The following ROBO2 variants were observed in gnomAD, a reference collection of about 807,000 sequenced individuals.
ROBO2 encodes the protein roundabout guidance receptor 2, also known as roundabout homolog 2.
A neutral mutation model predicts 160.8 loss-of-function variants in ROBO2; 53 were observed. The observed-to-expected ratio is 0.33, with a 90% CI of 0.26 to 0.41. The LOEUF is 0.41. Ranked by LOEUF, ROBO2 falls within the 10% of genes least tolerant of loss-of-function variation. The probability of loss-of-function intolerance (pLI) is 1.00; values close to 1 mark genes in which losing one functional copy is unlikely to be tolerated. For synonymous variants in ROBO2, 664 were observed against 611.7 expected (o/e 1.09, Z -1.26); for missense variants, 1,577 against 1,722.4 (o/e 0.92, Z 1.49).
At chr3:77,038,057 T>C (rs905364159), upstream of ROBO2, among the ~76,000 whole-genome samples, 4 of 152,218 alleles carry the variant, frequency 2.6e-5, no homozygotes, top group Admixed American at 1.3e-4. Context: ...TTTTAATTAC[T>C]TTCCTTTTCC....
chr3:77,556,579 T>C (rs952042195), intron 8 of ROBO2, among the ~76,000 whole-genome samples: 1 of 151,866 alleles, frequency 6.6e-6, no homozygotes, highest in Non-Finnish European at 1.5e-5. Context: ...TGAACTCTAG[T>C]AAATATGATG....
chr3:76,077,709 T>A (rs1368534020), intron 2 of ROBO2, among the ~76,000 whole-genome samples: 1 of 152,058 alleles, frequency 6.6e-6, no homozygotes, highest in Non-Finnish European at 1.5e-5. Context: ...CATGTGGGTA[T>A]GAAAAATTAA....
chr3:76,207,870 C>G (rs1702907066), intron 2 of ROBO2, among the ~76,000 whole-genome samples: 1 of 152,186 alleles, frequency 6.6e-6, no homozygotes, highest in Non-Finnish European at 1.5e-5. Context: ...ACCCAAATCT[C>G]AGGTCAAATT....
In ROBO2 at chr3:76,065,632, G is replaced by T. The variant is rs1025035440; in HGVS notation, c.109+128030G>T. Among the ~76,000 whole-genome samples the T allele has an allele frequency of 2.2e-4, 33 of 151,298 alleles. 1 individual carries two copies. Among genetic ancestry groups the T allele is most frequent in the Admixed American group, 6.6e-4 (10 of 15,166 alleles). The stretch of plus-strand genomic sequence containing the variant: ...ATATTTTTATCATGTTAGGGAAGAA[G>T]TAAAAATTATCTGACAAAGTAAAAT... On this transcript the variant is annotated intron_variant, in intron 2 of 26. Transcript: ENST00000487694.
At chr3:76,222,082 C>T (rs1461951893) in intron 2 of ROBO2, among the ~76,000 whole-genome samples, 1 of 152,094 alleles carries the variant, frequency 6.6e-6, no homozygotes, top group Non-Finnish European at 1.5e-5. Flanking sequence ...CTAGGTCAGC[C>T]TTGGTGAGTG....
At chr3:76,075,640 C>T (rs941021669) in intron 2 of ROBO2, among the ~76,000 whole-genome samples, 9 of 152,136 alleles carry the variant, frequency 5.9e-5, no homozygotes, top group Non-Finnish European at 8.8e-5. Flanking sequence ...ATCAGTGATT[C>T]GCTGTAGTAT....
intron 2 of ROBO2, among the ~76,000 whole-genome samples, chr3:76,992,392 A>T (rs908006423): frequency 1.4e-5 from 2 of 142,272 alleles, no homozygotes; most frequent in African/African-American, 2.6e-5. Flanking sequence ...GTAAAAAAAA[A>T]GTATATGCAT....
chr3:76,736,088 C>T (rs1290199803), intron 2 of ROBO2, among the ~76,000 whole-genome samples: 1 of 151,528 alleles, frequency 6.6e-6, no homozygotes, highest in African/African-American at 2.4e-5. Context: ...TCGAGACCAT[C>T]CTGGCTAACA....
chr3:76,127,780 A>C (rs549431332), intron 2 of ROBO2, among the ~76,000 whole-genome samples: 1 of 152,078 alleles, frequency 6.6e-6, no homozygotes, highest in African/African-American at 2.4e-5. Flanking sequence ...ACTTTATTAC[A>C]TCAATAAGAA....
intron 2 of ROBO2, among the ~76,000 whole-genome samples, chr3:76,932,994 G>T (rs867098674): frequency 3.3e-5 from 5 of 151,744 alleles, no homozygotes; most frequent in South Asian, 2.1e-4. Context: ...GGAACACTTT[G>T]CTTGTTAGGA....
intron 2 of ROBO2, among the ~76,000 whole-genome samples, chr3:76,735,746 G>A (rs1055750114): frequency 3.7e-5 from 5 of 134,356 alleles, no homozygotes; most frequent in African/African-American, 1.5e-4. Flanking sequence ...GGTGACGGAG[G>A]GAGACCCTGT....
intron 1 of ROBO2, among the ~76,000 whole-genome samples, chr3:77,053,860 G>C (rs150767680): frequency 6.6e-6 from 1 of 152,108 alleles, no homozygotes; most frequent in African/African-American, 2.4e-5. Flanking sequence ...AGGGCCCTGG[G>C]GATAAGTACA....
At chr3:76,833,819 C>A (rs1340510363) in intron 2 of ROBO2, among the ~76,000 whole-genome samples, 1 of 152,138 alleles carries the variant, frequency 6.6e-6, no homozygotes, top group African/African-American at 2.4e-5. Context: ...AAGTTTCAAA[C>A]CCACTTCCTT....
At chr3:77,421,031 A>T (rs1033711421) in intron 2 of ROBO2, among the ~76,000 whole-genome samples, 1 of 152,132 alleles carries the variant, frequency 6.6e-6, no homozygotes, top group Non-Finnish European at 1.5e-5. Flanking sequence ...AAGAAAGTAT[A>T]GTATGGAAGG....
At chr3:76,794,930 T>G (rs1434005740) in intron 2 of ROBO2, among the ~76,000 whole-genome samples, 1 of 152,020 alleles carries the variant, frequency 6.6e-6, no homozygotes, top group Non-Finnish European at 1.5e-5. Context: ...CTGATACAAA[T>G]GTGCAGGCAT....
chr3:77,488,781 G>A (rs919461625), intron 4 of ROBO2, among the ~76,000 whole-genome samples: 2 of 152,142 alleles, frequency 1.3e-5, no homozygotes, highest in African/African-American at 4.8e-5. Context: ...GGTTGCCACT[G>A]CAGATCCAAC....
chr3:77,450,289 G>A (rs6781059), intron 2 of ROBO2, among the ~76,000 whole-genome samples: 70,211 of 151,880 alleles, frequency 0.46, 16,651 homozygotes, highest in African/African-American at 0.54. Flanking sequence ...TGTTGATCAC[G>A]CAGCTTCAAC....
chr3:76,975,245 C>A (rs1299686490), intron 2 of ROBO2, among the ~76,000 whole-genome samples: 1 of 152,174 alleles, frequency 6.6e-6, no homozygotes. Flanking sequence ...TGGCTCACAT[C>A]TGTAATCCCA....
intron 2 of ROBO2, among the ~76,000 whole-genome samples, chr3:77,341,845 A>T (rs1040700199): frequency 6.6e-6 from 1 of 151,804 alleles, no homozygotes; most frequent in Non-Finnish European, 1.5e-5. Flanking sequence ...TAAAAAAAAA[A>T]CTTTAAAAAT....
Sources: allele counts gnomAD v4.1 joint callset (sites outside exome capture counted in the v4.1 genomes callset), GRCh38; gene constraint gnomAD v4.1.1; transcripts MANE v1.5; gene names NCBI Gene and HGNC (gene_info 2026-07-23, HGNC 2026-07-21).